Variants in UBE3D observed in about 807,000 individuals in gnomAD.
The protein encoded by UBE3D is E3 ubiquitin-protein ligase E3D.
In UBE3D, 48 loss-of-function variants were observed where a neutral mutation model predicts 49.6. The observed-to-expected ratio is 0.97, with a 90% CI of 0.77 to 1.23. The LOEUF (loss-of-function observed/expected upper bound fraction) is 1.23, where lower values mean the gene tolerates loss of function less well. UBE3D is among the 50% of genes most tolerant of loss of function. The pLI, the probability that UBE3D is intolerant of heterozygous loss-of-function variation, is 0.00. For synonymous variants in UBE3D, 189 were observed against 174.2 expected (o/e 1.08, Z -0.67); for missense variants, 452 against 468.4 (o/e 0.96, Z 0.32).
chr6:82,969,562 C>CTGG (rs1234112502), intron 8 of UBE3D, among the ~76,000 whole-genome samples: 1 of 152,074 alleles, frequency 6.6e-6, no homozygotes, highest in African/African-American at 2.4e-5. Context: ...GAGTCAAGAT[C>CTGG]ATCCCACTGC....
rs1554204640 is a variant in UBE3D, at chr6:83,020,345, T to TTTTTTTTTTTTG, written c.847-1210_847-1209insCAAAAAAAAAAA. Among the ~76,000 whole-genome samples the TTTTTTTTTTTTG allele has an allele frequency of 7.6e-3, 1,072 of 140,528 alleles. 9 individuals carry two copies. Among genetic ancestry groups the TTTTTTTTTTTTG allele is most frequent in the African/African-American group, 0.031 (1,022 of 32,974 alleles). 92.2% of individuals were successfully genotyped at this position (140,528 alleles called of 152,430 possible). ...AAACGCTAATCATGTGATACTGTTT[T>TTTTTTTTTTTTG]TTTTTTTTTTTTTACAAATAGACAA... On this transcript the variant is annotated intron_variant, in intron 7 of 9. Transcript: ENST00000369747.
At chr6:82,966,709 TG>T in intron 8 of UBE3D, among the ~76,000 whole-genome samples, 1 of 151,068 alleles carries the variant, frequency 6.6e-6, no homozygotes, top group Admixed American at 6.6e-5. Context: ...ACAAATTTTA[TG>T]GTATGTATAT....
chr6:82,951,919 G>A (rs1041129608), intron 9 of UBE3D, among the ~76,000 whole-genome samples: 2 of 152,150 alleles, frequency 1.3e-5, no homozygotes, highest in Non-Finnish European at 2.9e-5. Context: ...CACTAAGAAT[G>A]TACATAAGGG....
Position 82,902,279 on chromosome 6 carries a change from C to G in UBE3D, c.1150-9237G>C, listed in dbSNP as rs1220760012. Reference sequence around the variant, plus strand: ...ATGTAATTACTACATGACCTAACAACTGCAAATTAGGAATTTGTCCCAGAG... The same window carrying G: ...ATGTAATTACTACATGACCTAACAAGTGCAAATTAGGAATTTGTCCCAGAG... On this transcript the variant is annotated intron_variant, in intron 9 of 9. Transcript: ENST00000369747. Among the ~76,000 whole-genome samples the G allele has an allele frequency of 3.3e-5, 5 of 152,194 alleles. 1 individual carries two copies. The highest frequency in any genetic ancestry group is 7.3e-5 in the Non-Finnish European group (5 of 68,038).
chr6:82,924,669 G>C (rs1418502482), intron 9 of UBE3D, among the ~76,000 whole-genome samples: 8 of 151,950 alleles, frequency 5.3e-5, no homozygotes, highest in Admixed American at 5.2e-4. Flanking sequence ...GAAAAATAAA[G>C]GCATACATCT....
chr6:82,990,073 A>G (rs1472292314), intron 8 of UBE3D, among the ~76,000 whole-genome samples: 2 of 152,180 alleles, frequency 1.3e-5, no homozygotes, highest in East Asian at 3.9e-4. Context: ...GGTTGCTGCC[A>G]TACCTCTTGA....
chr6:82,972,717 T>C (rs1777442104), intron 8 of UBE3D, among the ~76,000 whole-genome samples: 1 of 152,248 alleles, frequency 6.6e-6, no homozygotes, highest in Admixed American at 6.5e-5. Flanking sequence ...ACCATTTATG[T>C]TGCAGACTGC....
intron 9 of UBE3D, among the ~76,000 whole-genome samples, chr6:82,893,278 T>C (rs1771070291): frequency 6.6e-6 from 1 of 152,092 alleles, no homozygotes; most frequent in Non-Finnish European, 1.5e-5. Context: ...AGGAGAAAAA[T>C]AGAGTTTTAA....
chr6:82,912,623 T>A (rs564763509), intron 9 of UBE3D, among the ~76,000 whole-genome samples: 2 of 152,294 alleles, frequency 1.3e-5, no homozygotes, highest in South Asian at 4.1e-4. Flanking sequence ...ATGTGGAAAG[T>A]TATATGATGT....
intron 8 of UBE3D, among the ~76,000 whole-genome samples, chr6:82,974,633 G>A (rs1174048227): frequency 2.0e-5 from 3 of 151,960 alleles, no homozygotes; most frequent in African/African-American, 4.8e-5. Context: ...GGATACAGAA[G>A]GCTGACTGTA....
chr6:82,933,805 A>T (rs1163192338), intron 9 of UBE3D, among the ~76,000 whole-genome samples: 3 of 152,204 alleles, frequency 2.0e-5, no homozygotes, highest in African/African-American at 7.2e-5. Flanking sequence ...AAATGAGAGA[A>T]TTCCAACTAA....
At chr6:83,002,465 A>G (rs542307719) in intron 8 of UBE3D, among the ~76,000 whole-genome samples, 15 of 152,282 alleles carry the variant, frequency 9.9e-5, no homozygotes, top group African/African-American at 3.4e-4. Flanking sequence ...TGGGTGGATC[A>G]CCTGAGGTCA....
At chr6:82,885,016 A>C in the UBE3D span, among the ~76,000 whole-genome samples, 2 of 152,216 alleles carry the variant, frequency 1.3e-5, no homozygotes, top group Non-Finnish European at 2.9e-5. Flanking sequence ...GAAGATTCTG[A>C]AAAAGATCTC....
At chr6:82,896,427 C>T (rs1368356758) in intron 9 of UBE3D, among the ~76,000 whole-genome samples, 2 of 118,000 alleles carry the variant, frequency 1.7e-5, no homozygotes, top group African/African-American at 1.1e-4. Context: ...AAACAAAAGA[C>T]AACCTTTCCT....
At chr6:82,998,407 C>T (rs993479590) in intron 8 of UBE3D, among the ~76,000 whole-genome samples, 1 of 152,164 alleles carries the variant, frequency 6.6e-6, no homozygotes, top group Non-Finnish European at 1.5e-5. Flanking sequence ...TAATAAATGT[C>T]AAATTAAAAT....
intron 1 of UBE3D, 37 bp downstream of exon 1, chr6:83,065,605 G>C: frequency 6.2e-7 from 1 of 1,607,170 alleles, no homozygotes; most frequent in Non-Finnish European, 8.5e-7. Context: ...CAGCAGTAAA[G>C]CGAGCTGGGC....
chr6:83,058,416 T>G (rs1278344956), intron 1 of UBE3D, among the ~76,000 whole-genome samples: 2 of 152,174 alleles, frequency 1.3e-5, no homozygotes, highest in African/African-American at 4.8e-5. Flanking sequence ...AAAGAATTAA[T>G]GAAGAAAACG....
chr6:82,958,802 T>G (rs1248154122), intron 8 of UBE3D, among the ~76,000 whole-genome samples: 1 of 152,210 alleles, frequency 6.6e-6, no homozygotes, highest in Non-Finnish European at 1.5e-5. Flanking sequence ...TTTATTAGTT[T>G]TACATGTACA....
rs762700073 is a variant in UBE3D at position 83,065,760 on chromosome 6, G to A, written c.-42C>T. On this transcript the variant is annotated 5_prime_UTR_variant, in exon 1 of 10. Transcript: ENST00000369747. ...CAGACCGGACCAAGCTGGAGGTTCC[G>A]AGGGGCCCGGGTCAACAGGACCAGG... 6 of 1,573,256 alleles carry A rather than the reference G, an allele frequency of 3.8e-6. No individual in the cohort carries two copies. The African/African-American group carries it at 5.4e-5, about 14-fold the overall frequency.
Sources: gnomAD v4.1 joint callset for allele counts (sites outside exome capture counted in the v4.1 genomes callset) on GRCh38, gnomAD v4.1.1 for gene constraint, MANE v1.5 for transcripts, NCBI Gene and HGNC (gene_info 2026-07-23, HGNC 2026-07-21) for gene names.